The following SYNE1 variants were observed in gnomAD, a reference collection of about 807,000 sequenced individuals.
SYNE1 encodes the protein spectrin repeat containing nuclear envelope protein 1, also known as nesprin-1.
In SYNE1, 616 loss-of-function variants were observed where a neutral mutation model predicts 1,111.0. That is an observed-to-expected ratio of 0.55 (90% CI 0.52 to 0.59). The LOEUF is 0.59. Ranked by LOEUF, SYNE1 falls within the 20% of genes least tolerant of loss-of-function variation. The probability of loss-of-function intolerance (pLI) is 0.00; values close to 1 mark genes in which losing one functional copy is unlikely to be tolerated. For synonymous variants in SYNE1, 3,855 were observed against 3,825.8 expected (o/e 1.01, Z -0.28); for missense variants, 10,006 against 10,417.0 (o/e 0.96, Z 1.72).
Position 152,227,974 on chromosome 6 carries a change from C to T in SYNE1, c.21196-2098G>A, listed in dbSNP as rs183653167. On this transcript the variant is annotated intron_variant, in intron 115 of 145. Transcript: ENST00000367255. ...AAAAACAATAAAACATTCTTAACTT[C>T]GATTAATTCATAAATATCAGTTTTA... Among the ~76,000 whole-genome samples the T allele has an allele frequency of 4.6e-5, 7 of 152,124 alleles. No homozygotes were observed. The East Asian group carries it at 9.6e-4, about 21-fold the overall frequency.
chr6:152,145,258 C>A, intron 137 of SYNE1: 1 of 581,174 alleles, frequency 1.7e-6, no homozygotes, highest in Non-Finnish European at 3.1e-6. Context: ...CTAATGAGAC[C>A]AATCACCATT....
In SYNE1 at chr6:152,242,445, G is replaced by A; in HGVS notation, c.19693-5C>T. On this transcript the variant is annotated splice_region_variant and splice_polypyrimidine_tract_variant and intron_variant, in intron 106 of 145. Transcript: ENST00000367255. ...CATCAGCTCATCATACATGTCCTAAGAAGCAGAGACCACAAGACTCACTCT... is the reference window on the plus strand; with the variant it reads ...CATCAGCTCATCATACATGTCCTAAAAAGCAGAGACCACAAGACTCACTCT... 6.2e-7 allele frequency: 1 copy of A among 1,613,850 alleles called. No homozygotes were observed. The highest frequency in any genetic ancestry group is 8.5e-7 in the Non-Finnish European group (1 of 1,179,974).
intron 3 of SYNE1, among the ~76,000 whole-genome samples, chr6:152,583,567 G>C (rs2099527454): frequency 6.6e-6 from 1 of 152,184 alleles, no homozygotes; most frequent in African/African-American, 2.4e-5. Context: ...TAGAGAAACA[G>C]AAGACGCCTT....
chr6:152,561,012 G>A (rs1362071314), intron 3 of SYNE1, among the ~76,000 whole-genome samples: 1 of 152,064 alleles, frequency 6.6e-6, no homozygotes, highest in African/African-American at 2.4e-5. Context: ...GAAAAGACAA[G>A]GCTGCCCACT....
At chr6:152,531,582 T>C (rs1270673536) in intron 4 of SYNE1, among the ~76,000 whole-genome samples, 3 of 152,230 alleles carry the variant, frequency 2.0e-5, no homozygotes, top group Non-Finnish European at 4.4e-5. Context: ...TCCACATTAT[T>C]GTGCAACTGA....
chr6:152,507,127 G>T (rs960402671), intron 8 of SYNE1, among the ~76,000 whole-genome samples: 1 of 152,248 alleles, frequency 6.6e-6, no homozygotes, highest in African/African-American at 2.4e-5. Context: ...CATGCAGGTT[G>T]AACAGTATGT....
chr6:152,523,752 T>C (rs765645544), intron 5 of SYNE1, among the ~76,000 whole-genome samples: 1 of 152,150 alleles, frequency 6.6e-6, no homozygotes, highest in Non-Finnish European at 1.5e-5. Flanking sequence ...TAGTTCTCCT[T>C]GCGAGATCTT....
At chr6:152,622,451 G>A (rs1315477731) in intron 3 of SYNE1, among the ~76,000 whole-genome samples, 1 of 152,018 alleles carries the variant, frequency 6.6e-6, no homozygotes, top group Non-Finnish European at 1.5e-5. Context: ...CACAGTGTCT[G>A]TTGTTCCCCT....
At chr6:152,184,437 CAAAAAAAAAAAA>C (rs199660419) in intron 128 of SYNE1, among the ~76,000 whole-genome samples, 1,756 of 104,770 alleles carry the variant, frequency 0.017, 53 homozygotes, top group African/African-American at 0.057. Flanking sequence ...AACTCTGTTT[CAAAAAAAAAAAA>C]AAAAAAAGAA....
rs889870223 is a variant in SYNE1 at position 152,238,372 on chromosome 6, A to C, written c.20067+1161T>G. On this transcript the variant is annotated intron_variant, in intron 108 of 145. Coordinates refer to ENST00000367255, the MANE Select transcript of SYNE1 (RefSeq NM_182961.4). ...ACAGGGATTCAAAATTCTATCTCAAAGGGTTATGATAAAGATGAGATGGAT... is the reference window on the plus strand; with the variant it reads ...ACAGGGATTCAAAATTCTATCTCAACGGGTTATGATAAAGATGAGATGGAT... Among the ~76,000 whole-genome samples, 17 of 152,302 alleles carry C rather than the reference A, an allele frequency of 1.1e-4. 1 individual carries two copies. Among genetic ancestry groups the C allele is most frequent in the Admixed American group, 2.0e-4 (3 of 15,300 alleles).
At chr6:152,548,415 C>T (rs1020104315) in intron 3 of SYNE1, among the ~76,000 whole-genome samples, 2 of 152,194 alleles carry the variant, frequency 1.3e-5, no homozygotes, top group African/African-American at 4.8e-5. Flanking sequence ...GGCTGGACCA[C>T]AATTGCTCCC....
intron 56 of SYNE1, among the ~76,000 whole-genome samples, chr6:152,380,240 A>C (rs2097380286): frequency 6.6e-6 from 1 of 152,200 alleles, no homozygotes; most frequent in Non-Finnish European, 1.5e-5. Context: ...AATGATTGTA[A>C]TATAAATAGG....
At chr6:152,151,830 T>C in intron 134 of SYNE1, 129 bp downstream of exon 134, 1 of 1,485,858 alleles carries the variant, frequency 6.7e-7, no homozygotes, top group Non-Finnish European at 9.2e-7. Context: ...CTTTGCTATA[T>C]CACTCCCCGG....
chr6:152,524,213 G>T lies in SYNE1; in HGVS notation c.225+1867C>A, dbSNP rs555890582. Among the ~76,000 whole-genome samples, 10 of 152,090 alleles carry T rather than the reference G, an allele frequency of 6.6e-5. No homozygotes were observed. In the South Asian group the frequency reaches 2.1e-3, roughly 32 times the overall value. On this transcript the variant is annotated intron_variant, in intron 5 of 145. Coordinates refer to ENST00000367255, the MANE Select transcript of SYNE1 (RefSeq NM_182961.4). ...TCATATATGGCTTTTATTATTTTGA[G>T]GTATGTCCCTTCTATGACTAGTTTG...
chr6:152,185,958 C>A (rs977656374), intron 128 of SYNE1, among the ~76,000 whole-genome samples: 5 of 152,140 alleles, frequency 3.3e-5, no homozygotes, highest in African/African-American at 1.2e-4. Context: ...CATTATTTTA[C>A]ACTAAGAGAA....
At position 152,628,324 on chromosome 6, in the gene SYNE1, G is replaced by T; in HGVS notation, c.8C>A (p.Thr3Asn). 3 of 1,614,130 alleles carry T rather than the reference G, an allele frequency of 1.9e-6. No individual in the cohort carries two copies. Among genetic ancestry groups the T allele is most frequent in the Non-Finnish European group, 2.5e-6 (3 of 1,180,026 alleles). Reference protein sequence around the residue: MATSRGASRCPRD... With the variant: MANSRGASRCPRD... Reference sequence around the variant, plus strand: ...AGGACACCGGGAGGCCCCTCTGGAGGTTGCCATGGTCCCTCCGGAAGCACG... The same window carrying T: ...AGGACACCGGGAGGCCCCTCTGGAGTTTGCCATGGTCCCTCCGGAAGCACG... Residue 3 changes from threonine to asparagine, a missense_variant, in exon 3 of 146, where the codon ACC becomes AAC. This residue lies in a region of SYNE1 where 1,971 missense variants were observed against 2,084.1 expected (regional missense o/e 0.95). Transcript: ENST00000367255.
rs1405844052 is a variant in SYNE1, at chr6:152,156,009, C to A, written c.23879G>T (p.Cys7960Phe). ...CEVLLHDCDA[C>F]ATDAECDSIQ... ...AGAGTCACACTCGGCATCAGTGGCA[C>A]AGGCGTCACAGTCGTGCAGCAGGAC... The change falls in exon 132 of 146, where the codon TGT (cysteine) becomes TTT (phenylalanine). Residue 7960 changes from cysteine (C) to phenylalanine (F), a missense_variant. Physicochemically the swap from Cys to Phe is radical, Grantham distance 205 (BLOSUM62 -2). Around this residue, in one of 7 missense-constraint regions of SYNE1, gnomAD observed 2,182 missense variants for 2,287.8 expected, o/e 0.95. Transcript: ENST00000367255. 6.2e-7 allele frequency: 1 copy of A among 1,614,210 alleles called. No individual in the cohort carries two copies. Among genetic ancestry groups the A allele is most frequent in the East Asian group, 2.2e-5 (1 of 44,880 alleles).
intron 4 of SYNE1, among the ~76,000 whole-genome samples, chr6:152,536,467 AC>A (rs1231684878): frequency 2.2e-5 from 3 of 134,604 alleles, no homozygotes; most frequent in South Asian, 2.2e-4. Flanking sequence ...ATATATATAT[AC>A]AATATATATA....
At chr6:152,252,306 AT>A (rs2089562985) in intron 104 of SYNE1, among the ~76,000 whole-genome samples, 4 of 151,832 alleles carry the variant, frequency 2.6e-5, no homozygotes, top group Non-Finnish European at 5.9e-5. Flanking sequence ...TAAATAAATA[AT>A]AAAATAAATA....
Sources: gnomAD v4.1 joint callset for allele counts (sites outside exome capture counted in the v4.1 genomes callset) on GRCh38, gnomAD v4.1.1 for gene constraint, gnomAD v4.1.1 regional missense constraint, MANE v1.5 for transcripts, NCBI Gene and HGNC (gene_info 2026-07-23, HGNC 2026-07-21) for gene names.